XKR6: variants seen among roughly 807,000 people sequenced by gnomAD.
XKR6 encodes the protein XK related 6, also known as XK-related protein 6.
In XKR6, 22 loss-of-function variants were observed where a neutral mutation model predicts 56.7. The ratio of observed to expected loss-of-function variants is 0.39; its 90% CI spans 0.28 to 0.55. XKR6 has a LOEUF of 0.55. Ranked by LOEUF, XKR6 falls within the 20% of genes least tolerant of loss-of-function variation. The pLI is 0.66. For synonymous variants in XKR6, 524 were observed against 387.8 expected (o/e 1.35, Z -4.13); for missense variants, 852 against 889.0 (o/e 0.96, Z 0.53).
At chr8:11,047,094 G>A (rs1410598792) in intron 1 of XKR6, among the ~76,000 whole-genome samples, 1 of 152,156 alleles carries the variant, frequency 6.6e-6, no homozygotes, top group Non-Finnish European at 1.5e-5. Flanking sequence ...GGTGACTATA[G>A]TTAATAACAT....
At chr8:11,137,816 G>C in intron 1 of XKR6, 1 of 392,082 alleles carries the variant, frequency 2.6e-6, no homozygotes, top group Non-Finnish European at 5.0e-6. Flanking sequence ...GAACTGCACC[G>C]CAACTCTAGA....
intron 1 of XKR6, among the ~76,000 whole-genome samples, chr8:11,196,382 T>G (rs1009358210): frequency 1.3e-5 from 2 of 152,104 alleles, no homozygotes; most frequent in Non-Finnish European, 1.5e-5. Context: ...GCGAATTCTT[T>G]CAGAATGAGA....
intron 1 of XKR6, among the ~76,000 whole-genome samples, chr8:11,184,375 A>G (rs550810767): frequency 1.4e-4 from 20 of 142,024 alleles, no homozygotes; most frequent in Admixed American, 5.6e-4. Context: ...TTTTATATAT[A>G]TATATACACA....
At chr8:10,990,605 T>C (rs1213557465) in intron 1 of XKR6, among the ~76,000 whole-genome samples, 1 of 152,144 alleles carries the variant, frequency 6.6e-6, no homozygotes, top group Non-Finnish European at 1.5e-5. Context: ...GTTGCTGTTA[T>C]TGCTGAGACA....
At chr8:11,199,814 T>G (rs1804101302) in intron 1 of XKR6, among the ~76,000 whole-genome samples, 1 of 152,300 alleles carries the variant, frequency 6.6e-6, no homozygotes, top group South Asian at 2.1e-4. Flanking sequence ...ACTTACACAC[T>G]GGCCTGGCTA....
intron 1 of XKR6, among the ~76,000 whole-genome samples, chr8:11,156,983 G>A (rs750528072): frequency 6.6e-6 from 1 of 152,196 alleles, no homozygotes; most frequent in Non-Finnish European, 1.5e-5. Context: ...TGACGGAGAT[G>A]AACCTCAGCC....
Position 10,897,650 on chromosome 8 carries a change from G to C in XKR6, c.*302C>G. 3.8e-6 allele frequency: 1 copy of C among 260,288 alleles called. No individual in the cohort carries two copies. Among genetic ancestry groups the C allele is most frequent in the Non-Finnish European group, 7.2e-6 (1 of 138,098 alleles). The allele number at this position is 260,288 out of a possible 1,614,324, so 16.1% of individuals were successfully genotyped here. A position where few individuals can be genotyped will look rare whatever the true frequency, so the allele number is the denominator to read the frequency against. ...CTCCTTCTCCACCCTATGAACCATA[G>C]CGTGGGATTTTTCAATACTGTTTCT... is the stretch of plus-strand genomic sequence containing the variant. On this transcript the variant is annotated 3_prime_UTR_variant, in exon 3 of 3. Transcript: ENST00000416569.
chr8:11,064,965 T>C (rs931380858), intron 1 of XKR6, among the ~76,000 whole-genome samples: 3 of 152,356 alleles, frequency 2.0e-5, no homozygotes, highest in Middle Eastern at 3.4e-3. Context: ...ATACTCTTTG[T>C]TACTCTTGTA....
At chr8:11,132,397 C>A (rs1270239156) in intron 1 of XKR6, among the ~76,000 whole-genome samples, 1 of 151,886 alleles carries the variant, frequency 6.6e-6, no homozygotes, top group Non-Finnish European at 1.5e-5. Context: ...CTTGCTCTGT[C>A]ACCCAGGCTG....
At chr8:11,104,113 T>C (rs1252014480) in intron 1 of XKR6, among the ~76,000 whole-genome samples, 1 of 152,178 alleles carries the variant, frequency 6.6e-6, no homozygotes, top group Non-Finnish European at 1.5e-5. Flanking sequence ...GGTTTAATAA[T>C]TCAATGTCGG....
chr8:11,024,717 G>A (rs1798822777), intron 1 of XKR6, among the ~76,000 whole-genome samples: 1 of 152,228 alleles, frequency 6.6e-6, no homozygotes, highest in Non-Finnish European at 1.5e-5. Context: ...TTGACCCCCA[G>A]GGAGGCCCAA....
chr8:11,037,820 T>C (rs1336437337), intron 1 of XKR6, among the ~76,000 whole-genome samples: 1 of 148,198 alleles, frequency 6.7e-6, no homozygotes, highest in Non-Finnish European at 1.5e-5. Context: ...ATCGTGCCAC[T>C]GCACTCCAGC....
At chr8:11,034,222 C>A (rs1182008367) in intron 1 of XKR6, among the ~76,000 whole-genome samples, 1 of 152,188 alleles carries the variant, frequency 6.6e-6, no homozygotes, top group African/African-American at 2.4e-5. Context: ...ACAGGAAAGG[C>A]TGCACAGTGT....
intron 2 of XKR6, among the ~76,000 whole-genome samples, chr8:10,911,830 T>C (rs976157670): frequency 2.6e-5 from 4 of 151,014 alleles, no homozygotes; most frequent in Non-Finnish European, 5.9e-5. Context: ...TGAGTATGTG[T>C]ATATATAGAA....
rs555760612 is a variant in XKR6 at position 11,145,824 on chromosome 8, T to C, written c.764+54752A>G. Among the ~76,000 whole-genome samples, 133 of 152,334 alleles carry C rather than the reference T, an allele frequency of 8.7e-4. 1 individual carries two copies. The highest frequency in any genetic ancestry group is 3.1e-3 in the African/African-American group (129 of 41,576). ...CACGATCAAAATCCTAGCACACTGTTTTTGTAGAAATTAACAAACTGATTC... is the reference window on the plus strand; with the variant it reads ...CACGATCAAAATCCTAGCACACTGTCTTTGTAGAAATTAACAAACTGATTC... On this transcript the variant is annotated intron_variant, in intron 1 of 2. Transcript: ENST00000416569.
intron 1 of XKR6, among the ~76,000 whole-genome samples, chr8:11,174,417 T>G (rs1802550304): frequency 6.6e-6 from 1 of 152,190 alleles, no homozygotes; most frequent in African/African-American, 2.4e-5. Flanking sequence ...AATCAGAGTG[T>G]ATGTCCAGCT....
intron 1 of XKR6, among the ~76,000 whole-genome samples, chr8:11,003,328 CATT>C (rs914953049): frequency 3.9e-5 from 6 of 151,994 alleles, no homozygotes; most frequent in African/African-American, 1.4e-4. Flanking sequence ...CCACCACCAT[CATT>C]ATCATCACAG....
At chr8:11,094,657 G>A (rs1307464873) in intron 1 of XKR6, among the ~76,000 whole-genome samples, 1 of 152,132 alleles carries the variant, frequency 6.6e-6, no homozygotes, top group African/African-American at 2.4e-5. Flanking sequence ...CGACATCGAT[G>A]GAGTGGTTAC....
At chr8:10,972,539 G>A (rs1279640842) in intron 1 of XKR6, among the ~76,000 whole-genome samples, 1 of 152,228 alleles carries the variant, frequency 6.6e-6, no homozygotes, top group East Asian at 1.9e-4. Context: ...ACATTAAAAG[G>A]AGGGATTTCT....
Sources: gnomAD v4.1 joint callset for allele counts (sites outside exome capture counted in the v4.1 genomes callset) on GRCh38, gnomAD v4.1.1 for gene constraint, MANE v1.5 for transcripts, NCBI Gene and HGNC (gene_info 2026-07-23, HGNC 2026-07-21) for gene names.